Variants in TRMT11 observed in about 807,000 individuals in gnomAD.
TRMT11 encodes the protein tRNA methyltransferase 11.
A neutral mutation model predicts 62.8 loss-of-function variants in TRMT11; 53 were observed. The observed-to-expected ratio is 0.84, with a 90% CI of 0.68 to 1.06. TRMT11 has a LOEUF of 1.06. TRMT11 is among the 50% of genes least tolerant of loss of function. TRMT11 has a pLI of 0.00. For synonymous variants in TRMT11, 188 were observed against 190.3 expected (o/e 0.99, Z 0.10); for missense variants, 556 against 553.4 (o/e 1.00, Z -0.05).
chr6:126,154,500 T>C (rs1310157935), intron 21 of TRMT11, among the ~76,000 whole-genome samples: 1 of 152,214 alleles, frequency 6.6e-6, no homozygotes, highest in Non-Finnish European at 1.5e-5. Context: ...GGTTTTCTTT[T>C]CTAGAATCTA....
intron 21 of TRMT11, among the ~76,000 whole-genome samples, chr6:126,163,027 C>G (rs753036979): frequency 2.0e-5 from 3 of 152,134 alleles, no homozygotes; most frequent in Non-Finnish European, 4.4e-5. Flanking sequence ...TACTTCCTCT[C>G]TTCCTATTTG....
intron 12 of TRMT11, among the ~76,000 whole-genome samples, chr6:126,037,060 C>G (rs146327007): frequency 4.1e-4 from 62 of 152,036 alleles, no homozygotes; most frequent in African/African-American, 1.4e-3. Flanking sequence ...TTGGTGGGCT[C>G]CTCAGCTGTC....
At chr6:126,179,704 C>T (rs947216897) in intron 1 of TRMT11, among the ~76,000 whole-genome samples, 2 of 152,024 alleles carry the variant, frequency 1.3e-5, no homozygotes, top group Non-Finnish European at 2.9e-5. Flanking sequence ...TCACATATAG[C>T]GAAGAATAAC....
At chr6:126,155,927 C>T (rs1377736592) in intron 21 of TRMT11, among the ~76,000 whole-genome samples, 3 of 152,022 alleles carry the variant, frequency 2.0e-5, no homozygotes, top group South Asian at 2.1e-4. Flanking sequence ...GGGGTTTCAA[C>T]GTGTTAGCCA....
At chr6:126,154,185 T>C (rs1281302983) in intron 21 of TRMT11, among the ~76,000 whole-genome samples, 1 of 152,234 alleles carries the variant, frequency 6.6e-6, no homozygotes. Context: ...AAGCTTTCAG[T>C]CTTTATAGTG....
chr6:126,175,623 G>C (rs1249002122), upstream of TRMT11, among the ~76,000 whole-genome samples: 1 of 152,132 alleles, frequency 6.6e-6, no homozygotes, highest in African/African-American at 2.4e-5. Context: ...TAGCTTCCCG[G>C]CTGACTTCTT....
chr6:126,111,665 C>T (rs192070258), intron 17 of TRMT11, among the ~76,000 whole-genome samples: 70 of 152,126 alleles, frequency 4.6e-4, no homozygotes, highest in Admixed American at 1.8e-3. Flanking sequence ...AGGACATGTA[C>T]CATCTGGGTT....
intron 21 of TRMT11, among the ~76,000 whole-genome samples, chr6:126,147,831 G>C (rs1303153377): frequency 1.3e-5 from 2 of 151,806 alleles, no homozygotes; most frequent in Non-Finnish European, 2.9e-5. Flanking sequence ...AAAAAAAAAA[G>C]TGGGAGTTGA....
chr6:126,151,905 CTCTTTCTTTCTTTCTT>C (rs66890632), intron 21 of TRMT11, among the ~76,000 whole-genome samples: 6 of 80,362 alleles, frequency 7.5e-5, no homozygotes, highest in Non-Finnish European at 1.4e-4. Context: ...TCTTTCTTTT[CTCTTTCTTTCTTTCTT>C]TCTTTCTTTC....
At chr6:126,159,928 T>C (rs1778169948) in intron 21 of TRMT11, among the ~76,000 whole-genome samples, 1 of 152,208 alleles carries the variant, frequency 6.6e-6, no homozygotes, top group Non-Finnish European at 1.5e-5. Context: ...TCAACAGGAA[T>C]TGGAAGGAAA....
the TRMT11 span, among the ~76,000 whole-genome samples, chr6:126,224,476 T>C: frequency 1.3e-5 from 2 of 152,168 alleles, no homozygotes; most frequent in Non-Finnish European, 2.9e-5. Context: ...ACCAGGCCCA[T>C]GGCTTTTTTC....
chr6:126,217,308 T>C, the TRMT11 span, among the ~76,000 whole-genome samples: 3 of 152,230 alleles, frequency 2.0e-5, no homozygotes, highest in East Asian at 3.9e-4. Context: ...TGTTGGTGTC[T>C]GGGCATTGAA....
intron 9 of TRMT11, among the ~76,000 whole-genome samples, chr6:126,012,202 T>C (rs985563772): frequency 6.6e-6 from 1 of 152,228 alleles, no homozygotes; most frequent in Non-Finnish European, 1.5e-5. Flanking sequence ...TAGTTTTTTT[T>C]AAATTAACAG....
the TRMT11 span, among the ~76,000 whole-genome samples, chr6:126,236,114 T>G: frequency 1.3e-5 from 2 of 152,242 alleles, no homozygotes; most frequent in Admixed American, 6.5e-5. Flanking sequence ...CTTTCTCTTA[T>G]GTGGAAAGTC....
chr6:125,988,972 A>G (rs1208574154), intron 1 of TRMT11, among the ~76,000 whole-genome samples: 1 of 152,168 alleles, frequency 6.6e-6, no homozygotes, highest in Non-Finnish European at 1.5e-5. Context: ...TTCTGTGAGA[A>G]ACAGAAACAG....
In TRMT11 at chr6:126,015,347, C is replaced by T. The variant is rs1011915359; in HGVS notation, c.1139+2246C>T. ...TTCACGCCATTTCTCCTGCCTCAGC[C>T]TCCCAAGTAGCTGGGACTACAGGTG... On this transcript the variant is annotated intron_variant, in intron 11 of 12. Coordinates refer to ENST00000334379, the MANE Select transcript of TRMT11 (RefSeq NM_001031712.3). Among the ~76,000 whole-genome samples, 6 of 152,050 alleles carry T rather than the reference C, an allele frequency of 3.9e-5. No individual in the cohort carries two copies. The East Asian group carries it at 7.7e-4, about 20-fold the overall frequency.
intron 17 of TRMT11, among the ~76,000 whole-genome samples, chr6:126,091,633 A>C (rs999865195): frequency 1.3e-5 from 2 of 152,114 alleles, no homozygotes; most frequent in African/African-American, 4.8e-5. Context: ...GCACTCGGTC[A>C]CACCCTATTT....
At chr6:126,093,630 T>TATATATATATATATATATATATATAG (rs1777306340) in intron 17 of TRMT11, among the ~76,000 whole-genome samples, 1 of 107,978 alleles carries the variant, frequency 9.3e-6, no homozygotes, top group Non-Finnish European at 1.8e-5. Context: ...TATATATATA[T>TATATATATATATATATATATATATAG]ATTTTCCCCC....
the TRMT11 span, among the ~76,000 whole-genome samples, chr6:126,231,475 G>A: frequency 6.6e-6 from 1 of 152,128 alleles, no homozygotes; most frequent in African/African-American, 2.4e-5. Flanking sequence ...TACGTTAATT[G>A]ACTATTATTG....
Sources: gnomAD v4.1 joint callset for allele counts (sites outside exome capture counted in the v4.1 genomes callset) on GRCh38, gnomAD v4.1.1 for gene constraint, MANE v1.5 for transcripts, NCBI Gene and HGNC (gene_info 2026-07-23, HGNC 2026-07-21) for gene names.